The following ATP10A variants were observed in gnomAD, a reference collection of about 807,000 sequenced individuals.
ATP10A encodes the protein phospholipid-transporting ATPase VA.
A neutral mutation model predicts 147.8 loss-of-function variants in ATP10A; 111 were observed. The observed-to-expected ratio is 0.75, with a 90% CI of 0.64 to 0.88. The LOEUF is 0.88. Among genes scored for constraint, ATP10A ranks in the 40% least tolerant of loss-of-function variants. The pLI, the probability that ATP10A is intolerant of heterozygous loss-of-function variation, is 0.00. For missense variants in ATP10A, 1,927 were observed against 1,959.0 expected (o/e 0.98, Z 0.31); for synonymous variants, 875 against 841.6 (o/e 1.04, Z -0.69).
intron 1 of ATP10A, among the ~76,000 whole-genome samples, chr15:25,813,444 T>G (rs761283758): frequency 6.6e-6 from 1 of 152,104 alleles, no homozygotes; most frequent in Non-Finnish European, 1.5e-5. Context: ...TATATGAACA[T>G]AAAAATGTCC....
intron 16 of ATP10A, among the ~76,000 whole-genome samples, chr15:25,685,299 T>G (rs971428197): frequency 6.6e-6 from 1 of 152,184 alleles, no homozygotes; most frequent in African/African-American, 2.4e-5. Flanking sequence ...AGGCCTGGCA[T>G]TTTTATGGAA....
At chr15:25,703,765 C>T (rs1900808061) in intron 12 of ATP10A, among the ~76,000 whole-genome samples, 1 of 152,198 alleles carries the variant, frequency 6.6e-6, no homozygotes, top group Non-Finnish European at 1.5e-5. Flanking sequence ...TCACCAGCAC[C>T]CCAGAAGACC....
At chr15:25,701,366 C>T (rs1336820148) in intron 13 of ATP10A, among the ~76,000 whole-genome samples, 1 of 152,170 alleles carries the variant, frequency 6.6e-6, no homozygotes, top group Non-Finnish European at 1.5e-5. Flanking sequence ...GTGGCTTTGG[C>T]CACACTGGGG....
upstream of ATP10A, chr15:25,863,562 G>A (rs917802564): frequency 2.6e-5 from 4 of 152,458 alleles, no homozygotes; most frequent in Non-Finnish European, 5.9e-5. Flanking sequence ...TAGGAGAGAG[G>A]AAACCGCGAA....
In ATP10A at chr15:25,770,261, T is replaced by C. The variant is rs866201143; in HGVS notation, c.654+10758A>G. The stretch of plus-strand genomic sequence containing the variant: ...TCAGCCATTCCAGACTTGACCACAG[T>C]TGGGGATCGGCCCAGCCCAGCCCAA... On this transcript the variant is annotated intron_variant, in intron 2 of 20. Transcript: ENST00000555815. Among the ~76,000 whole-genome samples, 22 of 152,052 alleles carry C rather than the reference T, an allele frequency of 1.4e-4. No individual in the cohort carries two copies. The Middle Eastern group carries it at 0.01, about 71-fold the overall frequency.
In ATP10A at chr15:25,679,287, A is replaced by T; in HGVS notation, c.*54T>A. 1 of 1,185,134 alleles carries T rather than the reference A, an allele frequency of 8.4e-7. No individual in the cohort carries two copies. Among genetic ancestry groups the T allele is most frequent in the Non-Finnish European group, 1.1e-6 (1 of 931,242 alleles). 73.4% of individuals were successfully genotyped at this position (1,185,134 alleles called of 1,614,324 possible). A position where few individuals can be genotyped will look rare whatever the true frequency, so the allele number is the denominator to read the frequency against. On this transcript the variant is annotated 3_prime_UTR_variant, in exon 21 of 21. Coordinates refer to ENST00000555815, the MANE Select transcript of ATP10A (RefSeq NM_024490.4). ...GAACTCTTCTGTGCAAATAATAAACATAAATAATATTAACATTTATTTATA... is the reference window on the plus strand; with the variant it reads ...GAACTCTTCTGTGCAAATAATAAACTTAAATAATATTAACATTTATTTATA...
At chr15:25,791,079 C>CA (rs1890398115) in intron 1 of ATP10A, among the ~76,000 whole-genome samples, 1 of 148,888 alleles carries the variant, frequency 6.7e-6, no homozygotes, top group South Asian at 2.2e-4. Flanking sequence ...AACCTCCCTG[C>CA]AAGTGTTTTT....
intron 1 of ATP10A, among the ~76,000 whole-genome samples, chr15:25,785,759 G>T (rs1890129154): frequency 6.6e-6 from 1 of 152,196 alleles, no homozygotes; most frequent in Non-Finnish European, 1.5e-5. Flanking sequence ...AGGAAGAACG[G>T]CTGGCTGGGG....
intron 1 of ATP10A, among the ~76,000 whole-genome samples, chr15:25,840,632 T>C (rs1400923889): frequency 2.0e-5 from 3 of 152,210 alleles, no homozygotes; most frequent in African/African-American, 4.8e-5. Flanking sequence ...TCTGCAAAGC[T>C]TCTCTGTGAA....
chr15:25,824,430 C>T (rs1247823102), intron 1 of ATP10A, among the ~76,000 whole-genome samples: 2 of 149,024 alleles, frequency 1.3e-5, no homozygotes, highest in African/African-American at 4.9e-5. Flanking sequence ...GCTGTGATCA[C>T]ACCACTGCAC....
chr15:25,721,677 T>C lies in ATP10A; in HGVS notation c.1343A>G (p.Glu448Gly), dbSNP rs1344244413. The C allele has an allele frequency of 2.5e-6, 4 of 1,613,862 alleles. No individual in the cohort carries two copies. The highest frequency in any genetic ancestry group is 3.4e-6 in the Non-Finnish European group (4 of 1,179,880). The change falls in exon 7 of 21, where the codon GAA (glutamate) becomes GGA (glycine). Residue 448 changes from glutamate to glycine, a missense_variant. Glu to Gly is a moderately conservative substitution (Grantham distance 98). Transcript: ENST00000555815. Reference protein sequence around the residue: ...VFRRCTVSGVEYSHDANAQRL... With the variant: ...VFRRCTVSGVGYSHDANAQRL... ...CTCACCATTTGCATCATGAGAATATTCTACACCAGACACAGTGCATCTTCG... is the reference window on the plus strand; with the variant it reads ...CTCACCATTTGCATCATGAGAATATCCTACACCAGACACAGTGCATCTTCG...
At chr15:25,804,657 T>G (rs1891101491) in intron 1 of ATP10A, among the ~76,000 whole-genome samples, 1 of 152,124 alleles carries the variant, frequency 6.6e-6, no homozygotes, top group Non-Finnish European at 1.5e-5. Flanking sequence ...CACAGGTGCC[T>G]GGAAAAGCAT....
chr15:25,724,744 T>A (rs1225241289), intron 5 of ATP10A, among the ~76,000 whole-genome samples: 1 of 152,226 alleles, frequency 6.6e-6, no homozygotes, highest in Non-Finnish European at 1.5e-5. Context: ...CCCCTGGAAT[T>A]ACCACCACCG....
intron 17 of ATP10A, among the ~76,000 whole-genome samples, chr15:25,682,285 A>C (rs1175188815): frequency 6.6e-6 from 1 of 152,118 alleles, no homozygotes; most frequent in East Asian, 1.9e-4. Flanking sequence ...GATGTGTCCC[A>C]ATGTTAAAAG....
chr15:25,753,300 T>A (rs1465663077), intron 2 of ATP10A, among the ~76,000 whole-genome samples: 1 of 152,216 alleles, frequency 6.6e-6, no homozygotes, highest in Non-Finnish European at 1.5e-5. Flanking sequence ...CTTCTGAGTA[T>A]GATTGCTTTG....
intron 12 of ATP10A, among the ~76,000 whole-genome samples, chr15:25,706,878 C>T (rs1020947072): frequency 2.6e-5 from 4 of 152,190 alleles, no homozygotes; most frequent in Non-Finnish European, 4.4e-5. Flanking sequence ...ATGCCTCCTA[C>T]CCCACAGGCC....
intron 2 of ATP10A, among the ~76,000 whole-genome samples, chr15:25,749,617 C>T (rs1006340821): frequency 2.6e-5 from 4 of 152,088 alleles, no homozygotes; most frequent in African/African-American, 7.2e-5. Context: ...GATTATCAGG[C>T]ATGCAAAGAA....
chr15:25,783,753 A>C (rs1890037758), intron 1 of ATP10A, among the ~76,000 whole-genome samples: 1 of 152,196 alleles, frequency 6.6e-6, no homozygotes, highest in African/African-American at 2.4e-5. Context: ...AGCCCCTGAA[A>C]GTGTTCCCAA....
chr15:25,740,266 A>G (rs1297442195), intron 2 of ATP10A, among the ~76,000 whole-genome samples: 1 of 152,246 alleles, frequency 6.6e-6, no homozygotes, highest in East Asian at 1.9e-4. Flanking sequence ...TCTATCATAA[A>G]AAAACTAAAG....
Sources: allele counts gnomAD v4.1 joint callset (sites outside exome capture counted in the v4.1 genomes callset), GRCh38; gene constraint gnomAD v4.1.1; transcripts MANE v1.5; gene names NCBI Gene and HGNC (gene_info 2026-07-23, HGNC 2026-07-21).